SRSF5: variants seen among roughly 807,000 people sequenced by gnomAD.
SRSF5 encodes the protein serine and arginine rich splicing factor 5.
Under a neutral mutation model 34.0 loss-of-function variants are expected in SRSF5, and 5 were observed. That is an observed-to-expected ratio of 0.15 (90% confidence interval 0.08 to 0.31). SRSF5 has a LOEUF of 0.31. SRSF5 is among the 10% of genes least tolerant of loss of function. The pLI is 1.00. For missense variants in SRSF5, 223 were observed against 351.4 expected (o/e 0.63, Z 2.92); for synonymous variants, 164 against 117.7 (o/e 1.39, Z -2.55).
At chr14:69,770,609 G>T in intron 6 of SRSF5, 69 bp downstream of exon 6, 1 of 1,418,190 alleles carries the variant, frequency 7.1e-7, no homozygotes, top group Non-Finnish European at 9.9e-7. Flanking sequence ...TAGTTTTGAG[G>T]ACTTAAAATT....
intron 5 of SRSF5, chr14:69,769,834 TA>T: frequency 7.7e-7 from 1 of 1,297,850 alleles, no homozygotes; most frequent in East Asian, 3.1e-5. Flanking sequence ...CTGATCGCAG[TA>T]AAGTGGTCCT....
In SRSF5 at chr14:69,771,670, C is replaced by T. The variant is rs1883226352; in HGVS notation, c.*209C>T. ...ATTGTATTAAATGTCTTTTGATAAG[C>T]CTTCTGCTCACATTTTTGTGAATGT... On this transcript the variant is annotated 3_prime_UTR_variant, in exon 8 of 8. Coordinates refer to ENST00000557154, the MANE Select transcript of SRSF5 (RefSeq NM_001320214.2). The T allele has an allele frequency of 1.7e-6, 1 of 582,010 alleles. No individual in the cohort carries two copies. The highest frequency in any genetic ancestry group is 1.9e-5 in the African/African-American group (1 of 53,602). 36.1% of individuals were successfully genotyped at this position (582,010 alleles called of 1,614,324 possible). A position where few individuals can be genotyped will look rare whatever the true frequency, so the allele number is the denominator to read the frequency against.
In SRSF5 at chr14:69,767,235, G is replaced by T. The variant is rs1302913848; in HGVS notation, c.-40G>T. 2.7e-6 allele frequency: 1 copy of T among 372,596 alleles called. No individual in the cohort carries two copies. Among genetic ancestry groups the T allele is most frequent in the Admixed American group, 3.7e-5 (1 of 26,806 alleles). 23.1% of individuals were successfully genotyped at this position (372,596 alleles called of 1,614,324 possible). On this transcript the variant is annotated 5_prime_UTR_variant, in exon 1 of 8. Coordinates refer to ENST00000557154, the MANE Select transcript of SRSF5 (RefSeq NM_001320214.2). ...CTACGGACCTGTCTGGGTCTCAGCCGCCAAAGACCCCGTCCGGTAGGTGAG... is the reference window on the plus strand; with the variant it reads ...CTACGGACCTGTCTGGGTCTCAGCCTCCAAAGACCCCGTCCGGTAGGTGAG...
At chr14:69,767,720 GGC>G in intron 1 of SRSF5, 1 of 358,760 alleles carries the variant, frequency 2.8e-6, no homozygotes. Flanking sequence ...TGTTGGCGCA[GGC>G]GCGGTCGAGG....
intron 6 of SRSF5, among the ~76,000 whole-genome samples, 169 bp downstream of exon 6, chr14:69,770,709 T>G (rs1883094087): frequency 6.6e-6 from 1 of 152,150 alleles, no homozygotes; most frequent in African/African-American, 2.4e-5. Context: ...GGAGACAAGT[T>G]TGGTTGTCAC....
In SRSF5 at chr14:69,767,207, A is replaced by G; in HGVS notation, c.-68A>G. The G allele has an allele frequency of 2.8e-6, 1 of 357,262 alleles. No individual in the cohort carries two copies. The highest frequency in any genetic ancestry group is 5.5e-6 in the Non-Finnish European group (1 of 182,012). The allele number at this position is 357,262 out of a possible 1,614,324, so 22.1% of individuals were successfully genotyped here. ...GCGTGGAGGTCGACGACTCCGTCGC[A>G]GACTACGGACCTGTCTGGGTCTCAG... On this transcript the variant is annotated 5_prime_UTR_variant, in exon 1 of 8. Coordinates refer to ENST00000557154, the MANE Select transcript of SRSF5 (RefSeq NM_001320214.2).
Position 69,771,235 on chromosome 14 carries a change from C to G in SRSF5, c.593C>G (p.Ser198Cys). ...SRSRSRTRSS[S>C]RSRSRSRSRS... Reference sequence around the variant, plus strand: ...TCTCGATCCCGGACCAGAAGTTCCTCTAGGTCTCGTAGCCGATCCCGTTCC... The same window carrying G: ...TCTCGATCCCGGACCAGAAGTTCCTGTAGGTCTCGTAGCCGATCCCGTTCC... The change falls in exon 8 of 8, where the codon TCT becomes TGT. Residue 198 changes from serine to cysteine, a missense_variant. Around this residue, in one of 4 missense-constraint regions of SRSF5, gnomAD observed 115 missense variants for 119.7 expected, o/e 0.96. Transcript: ENST00000557154. 1 of 1,614,116 alleles carries G rather than the reference C, an allele frequency of 6.2e-7. No individual in the cohort carries two copies. Among genetic ancestry groups the G allele is most frequent in the African/African-American group, 1.3e-5 (1 of 75,010 alleles).
chr14:69,767,221 T>C lies in SRSF5; in HGVS notation c.-54T>C. The C allele has an allele frequency of 2.7e-6, 1 of 369,568 alleles. No homozygotes were observed. 22.9% of individuals were successfully genotyped at this position (369,568 alleles called of 1,614,324 possible). A position where few individuals can be genotyped will look rare whatever the true frequency, so the allele number is the denominator to read the frequency against. ...GACTCCGTCGCAGACTACGGACCTG[T>C]CTGGGTCTCAGCCGCCAAAGACCCC... On this transcript the variant is annotated 5_prime_UTR_variant, in exon 1 of 8. Transcript: ENST00000557154.
Position 69,770,489 on chromosome 14 carries a change from A to C in SRSF5, c.389A>C (p.Gln130Pro). The change falls in exon 6 of 8, where the codon CAA becomes CCA. Residue 130 changes from glutamine (Q) to proline (P), a missense_variant. Gln to Pro is a moderately conservative substitution (Grantham distance 76). This residue lies in a region of SRSF5 where 37 missense variants were observed against 96.7 expected (regional missense o/e 0.38). Transcript: ENST00000557154. ...SWQDLKDFMR[Q>P]AGEVTFADAH... ...AAGGATCTCAAAGATTTCATGAGAC[A>C]AGCTGGGGAAGTAACGTTTGCGGAT... The C allele has an allele frequency of 6.2e-7, 1 of 1,614,056 alleles. No individual in the cohort carries two copies. The highest frequency in any genetic ancestry group is 8.5e-7 in the Non-Finnish European group (1 of 1,180,002).
chr14:69,770,583 A>T, intron 6 of SRSF5, 43 bp downstream of exon 6: 1 of 1,548,938 alleles, frequency 6.5e-7, no homozygotes, highest in Non-Finnish European at 8.9e-7. Context: ...ATATCCGGAA[A>T]ATTTTACTGT....
Position 69,767,630 on chromosome 14 carries a change from G to A in SRSF5, c.-20+375G>A, listed in dbSNP as rs1229344809. ...GGGGGTTGCTGGGAGGAGAAGGGAAGAGGGAATTTGGCACGCGCAGCTCTG... is the reference window on the plus strand; with the variant it reads ...GGGGGTTGCTGGGAGGAGAAGGGAAAAGGGAATTTGGCACGCGCAGCTCTG... On this transcript the variant is annotated intron_variant, in intron 1 of 7. Coordinates refer to ENST00000557154, the MANE Select transcript of SRSF5 (RefSeq NM_001320214.2). 3.2e-5 allele frequency: 14 copies of A among 434,830 alleles called. No homozygotes were observed. The East Asian group carries it at 9.9e-4, about 31-fold the overall frequency. 26.9% of individuals were successfully genotyped at this position (434,830 alleles called of 1,614,324 possible).
chr14:69,768,038 C>T (rs147888451), intron 1 of SRSF5, 100 bp from the exon 2 acceptor site: 9 of 1,345,500 alleles, frequency 6.7e-6, no homozygotes, highest in African/African-American at 1.5e-5. Context: ...CATAACATCA[C>T]TGTGTAAACA....
At chr14:69,768,351 C>T (rs947486778) in intron 2 of SRSF5, 69 bp downstream of exon 2, 1 of 1,589,768 alleles carries the variant, frequency 6.3e-7, no homozygotes, top group African/African-American at 1.3e-5. Flanking sequence ...TGTTTTCGAT[C>T]TTGAGTCCGG....
chr14:69,770,636 C>A, intron 6 of SRSF5, 96 bp downstream of exon 6: 1 of 1,133,488 alleles, frequency 8.8e-7, no homozygotes, highest in Non-Finnish European at 1.3e-6. Flanking sequence ...TGTTAGAATG[C>A]AGAGATTCTC....
At chr14:69,769,064 C>A in intron 4 of SRSF5, 118 bp from the exon 5 acceptor site, 2 of 1,348,646 alleles carry the variant, frequency 1.5e-6, no homozygotes, top group Admixed American at 1.8e-5. Context: ...GAACACAAAT[C>A]TATTGACGGA....
chr14:69,768,959 A>G, intron 4 of SRSF5, 63 bp downstream of exon 4: 1 of 1,518,900 alleles, frequency 6.6e-7, no homozygotes, highest in South Asian at 1.1e-5. Context: ...AAGATTCAGG[A>G]GTCATTAGCA....
intron 2 of SRSF5, 101 bp from the exon 3 acceptor site, chr14:69,768,500 CGTT>C (rs1882810428): frequency 7.8e-7 from 1 of 1,284,568 alleles, no homozygotes; most frequent in Non-Finnish European, 1.1e-6. Context: ...ATGGCAGTGT[CGTT>C]AAGATACTCT....
chr14:69,771,316 G>A lies in SRSF5; in HGVS notation c.674G>A (p.Ser225Asn), dbSNP rs1477181147. ...SRSRSRSRSR[S>N]KSRSVSRSPV... The stretch of plus-strand genomic sequence containing the variant: ...AGCAGGAGCAGGAGCCGGAGCCGGA[G>A]CAAGTCCCGTTCTGTTAGTAGGTCT... Residue 225 changes from serine (S) to asparagine (N), a missense_variant, in exon 8 of 8, where the codon AGC becomes AAC. Coordinates refer to ENST00000557154, the MANE Select transcript of SRSF5 (RefSeq NM_001320214.2). 6.2e-7 allele frequency: 1 copy of A among 1,614,028 alleles called. No individual in the cohort carries two copies. The highest frequency in any genetic ancestry group is 8.5e-7 in the Non-Finnish European group (1 of 1,180,044).
chr14:69,771,256 G>T lies in SRSF5; in HGVS notation c.614G>T (p.Arg205Leu), dbSNP rs141668513. 2 of 1,613,990 alleles carry T rather than the reference G, an allele frequency of 1.2e-6. No homozygotes were observed. The highest frequency in any genetic ancestry group is 1.7e-5 in the Admixed American group (1 of 59,980). The change falls in exon 8 of 8, where the codon CGT becomes CTT. Residue 205 changes from arginine (R) to leucine (L), a missense_variant. Coordinates refer to ENST00000557154, the MANE Select transcript of SRSF5 (RefSeq NM_001320214.2). ...RSSSRSRSRS[R>L]SRSRKSYSRS... ...TCCTCTAGGTCTCGTAGCCGATCCC[G>T]TTCCCGTAGTCGCAAATCTTACAGC...
Sources: gnomAD v4.1 joint callset for allele counts (sites outside exome capture counted in the v4.1 genomes callset) on GRCh38, gnomAD v4.1.1 for gene constraint, gnomAD v4.1.1 regional missense constraint, MANE v1.5 for transcripts, NCBI Gene and HGNC (gene_info 2026-07-23, HGNC 2026-07-21) for gene names.